Variants in SLC2A11 observed in about 807,000 individuals in gnomAD.
The protein encoded by SLC2A11 is solute carrier family 2 member 11.
SLC2A11 carries 43 observed loss-of-function variants against 52.1 expected under a neutral mutation model. The ratio of observed to expected loss-of-function variants is 0.82; its 90% CI spans 0.65 to 1.06. SLC2A11 has a LOEUF of 1.06. SLC2A11 is among the 50% of genes least tolerant of loss of function. The pLI, the probability that SLC2A11 is intolerant of heterozygous loss-of-function variation, is 0.00. For missense variants in SLC2A11, 582 were observed against 654.2 expected (o/e 0.89, Z 1.20); for synonymous variants, 261 against 277.6 (o/e 0.94, Z 0.59).
chr22:23,880,170 T>C (rs1012935134), intron 6 of SLC2A11, among the ~76,000 whole-genome samples: 5 of 150,176 alleles, frequency 3.3e-5, no homozygotes, highest in African/African-American at 1.2e-4. Flanking sequence ...GGAGAATTGC[T>C]TGAACCCGAG....
chr22:23,863,611 T>TTTTG (rs2032154381), intron 2 of SLC2A11, among the ~76,000 whole-genome samples: 7 of 133,316 alleles, frequency 5.3e-5, no homozygotes, highest in Admixed American at 3.7e-4. Context: ...CTCTCTGGTT[T>TTTTG]TTTTTTTTTT....
intron 2 of SLC2A11, chr22:23,866,134 A>C (rs369785054): frequency 6.6e-6 from 1 of 151,250 alleles, no homozygotes; most frequent in South Asian, 2.1e-4. Context: ...ATGCCACTGC[A>C]CTCTAGCCTG....
In SLC2A11 at chr22:23,882,856, C is replaced by T. The variant is rs540314158; in HGVS notation, c.980C>T (p.Thr327Met). 14 of 1,611,814 alleles carry T rather than the reference C, an allele frequency of 8.7e-6. No individual in the cohort carries two copies. Among genetic ancestry groups the T allele is most frequent in the African/African-American group, 6.7e-5 (5 of 74,994 alleles). ...IIGTGSCELL[T>M]AVVSCVVIER... The stretch of plus-strand genomic sequence containing the variant: ...GGGACTGGGAGCTGCGAGCTGCTCA[C>T]GGCGGTTGTTAGTGTGAGTCTGGAG... Residue 327 changes from threonine to methionine, a missense_variant, in exon 8 of 12, where the codon ACG becomes ATG. Thr to Met is a moderately conservative substitution (Grantham distance 81, BLOSUM62 -1). Coordinates refer to ENST00000316185, the MANE Select transcript of SLC2A11 (RefSeq NM_001024939.4).
At chr22:23,869,543 G>C (rs929540022) in intron 3 of SLC2A11, 1 of 160,630 alleles carries the variant, frequency 6.2e-6, no homozygotes, top group South Asian at 1.8e-4. Flanking sequence ...TCAGCTACTC[G>C]GGAGGTTGCG....
intron 3 of SLC2A11, chr22:23,870,099 A>G: frequency 1.4e-6 from 1 of 715,322 alleles, no homozygotes; most frequent in Non-Finnish European, 2.6e-6. Context: ...CCAGCACTGG[A>G]TCAGCAAGAC....
rs1164377874 is a variant in SLC2A11 at position 23,884,780 on chromosome 22, C to T, written c.1431C>T (p.Leu477=). 2.5e-6 allele frequency: 4 copies of T among 1,614,176 alleles called. No homozygotes were observed. Among genetic ancestry groups the T allele is most frequent in the Admixed American group, 1.7e-5 (1 of 60,026 alleles). The change falls in exon 12 of 12, where the codon CTC becomes CTT. Residue 477 remains leucine, a synonymous_variant. Coordinates refer to ENST00000316185, the MANE Select transcript of SLC2A11 (RefSeq NM_001024939.4). This position sits in a 1 kb window ranked among gnomAD's most constrained non-coding sequence, Gnocchi z 4.3. The part of the protein sequence containing the change: ...FQEISKELHR[L]NFPRRAQGPT... ...AGATCTCCAAGGAATTACACAGACT[C>T]AACTTCCCCAGGCGGGCCCAGGGCC...
rs766014291 is a variant in SLC2A11 at position 23,877,021 on chromosome 22, C to T, written c.416-21C>T. On this transcript the variant is annotated intron_variant, in intron 4 of 11. Transcript: ENST00000316185. ...GGGTCCCAGCTGGTGGCTGACGTGC[C>T]TCTGCTGTGCACACGTCCAGGTGTG... 2.1e-5 allele frequency: 34 copies of T among 1,613,646 alleles called. No homozygotes were observed. In the African/African-American group the frequency reaches 4.0e-4, roughly 19 times the overall value.
At chr22:23,880,923 A>G (rs1052084082) in intron 6 of SLC2A11, 14 of 152,112 alleles carry the variant, frequency 9.2e-5, no homozygotes, top group Non-Finnish European at 1.3e-4. Context: ...CAAGTCCATA[A>G]GTTCACTGAG....
chr22:23,882,733 C>T, intron 7 of SLC2A11, 26 bp from the exon 8 acceptor site: 1 of 1,607,606 alleles, frequency 6.2e-7, no homozygotes, highest in South Asian at 1.1e-5. Context: ...GAAGGGAGCC[C>T]AGGCCTGAAA....
At chr22:23,877,508 G>T in intron 5 of SLC2A11, 1 of 774,690 alleles carries the variant, frequency 1.3e-6, no homozygotes, top group Non-Finnish European at 2.3e-6. Flanking sequence ...TTGGGAAGAG[G>T]AGTTGCTAGG....
At chr22:23,874,998 A>G in intron 3 of SLC2A11, 119 bp from the exon 4 acceptor site, 1 of 1,196,062 alleles carries the variant, frequency 8.4e-7, no homozygotes, top group Non-Finnish European at 1.1e-6. Flanking sequence ...ATGGCATACT[A>G]CATACATTTG....
chr22:23,858,004 T>C lies in SLC2A11; in HGVS notation c.5T>C (p.Leu2Pro). The C allele has an allele frequency of 6.3e-7, 1 of 1,585,792 alleles. No homozygotes were observed. Among genetic ancestry groups the C allele is most frequent in the Admixed American group, 1.7e-5 (1 of 57,180 alleles). The change falls in exon 1 of 12, where the codon CTC (leucine) becomes CCC (proline). Residue 2 changes from leucine (L) to proline (P), a missense_variant. Transcript: ENST00000316185. The part of the protein sequence containing the change: M[L>P]HALLRSRMIQ... ...CCGCTCAGGCCCCTCTTTCGAATGC[T>C]CCACGCCCTCCTGCGATCTAGAATG...
At chr22:23,865,540 A>T (rs1388114679) in intron 2 of SLC2A11, 1 of 152,328 alleles carries the variant, frequency 6.6e-6, no homozygotes, top group Non-Finnish European at 1.5e-5. Flanking sequence ...TGAGGCAGAA[A>T]GGTTGGACTC....
At chr22:23,877,344 AAC>A in intron 5 of SLC2A11, 173 bp downstream of exon 5, 2 of 1,065,012 alleles carry the variant, frequency 1.9e-6, no homozygotes, top group Non-Finnish European at 2.9e-6. Context: ...GGTATCAGTC[AAC>A]ACACTGCAAT....
intron 3 of SLC2A11, among the ~76,000 whole-genome samples, chr22:23,874,633 G>A (rs954627803): frequency 6.6e-6 from 1 of 151,498 alleles, no homozygotes; most frequent in African/African-American, 2.4e-5. Flanking sequence ...ATTTTTTTTA[G>A]TAGAGACAGG....
intron 3 of SLC2A11, chr22:23,869,917 A>G: frequency 1.4e-6 from 1 of 691,260 alleles, no homozygotes; most frequent in Non-Finnish European, 2.7e-6. Flanking sequence ...AAAAGGCAAA[A>G]AGAGCCTGCC....
Position 23,877,714 on chromosome 22 carries a change from T to C in SLC2A11, c.546-7T>C. ...CATCTGGCCTGGCCTCTCCTCTGCCTCCTTAGGGAGCTCCTAGGTGGCCCT... is the reference window on the plus strand; with the variant it reads ...CATCTGGCCTGGCCTCTCCTCTGCCCCCTTAGGGAGCTCCTAGGTGGCCCT... On this transcript the variant is annotated splice_region_variant and splice_polypyrimidine_tract_variant and intron_variant, in intron 5 of 11. Transcript: ENST00000316185. 6.3e-7 allele frequency: 1 copy of C among 1,577,020 alleles called. No individual in the cohort carries two copies. Among genetic ancestry groups the C allele is most frequent in the Non-Finnish European group, 8.6e-7 (1 of 1,164,168 alleles).
chr22:23,877,743 G>T lies in SLC2A11; in HGVS notation c.568G>T (p.Ala190Ser), dbSNP rs1410804714. 6.2e-7 allele frequency: 1 copy of T among 1,601,478 alleles called. No homozygotes were observed. The highest frequency in any genetic ancestry group is 1.7e-5 in the Admixed American group (1 of 58,492). ...GLRELLGGPQ[A>S]WPLLLASCLV... The stretch of plus-strand genomic sequence containing the variant: ...TAGGGAGCTCCTAGGTGGCCCTCAG[G>T]CCTGGCCCCTGCTGCTGGCCAGCTG... Residue 190 changes from alanine to serine, a missense_variant, in exon 6 of 12, where the codon GCC becomes TCC. Transcript: ENST00000316185.
chr22:23,863,612 T>TTTTG (rs2032154779), intron 2 of SLC2A11, among the ~76,000 whole-genome samples: 1 of 134,776 alleles, frequency 7.4e-6, no homozygotes, highest in Admixed American at 7.4e-5. Flanking sequence ...TCTCTGGTTT[T>TTTTG]TTTTTTTTTT....
Sources: gnomAD v4.1 joint callset for allele counts (sites outside exome capture counted in the v4.1 genomes callset) on GRCh38, gnomAD v4.1.1 for gene constraint, Gnocchi (gnomAD v3.1) non-coding constraint, MANE v1.5 for transcripts, NCBI Gene and HGNC (gene_info 2026-07-23, HGNC 2026-07-21) for gene names.